BMPR1A: variants seen among roughly 807,000 people sequenced by gnomAD.
BMPR1A encodes bone morphogenetic protein receptor type 1A, also known as bone morphogenetic protein receptor type-1A.
BMPR1A carries 7 observed loss-of-function variants against 66.0 expected under a neutral mutation model. That is an observed-to-expected ratio of 0.11 (90% confidence interval 0.06 to 0.20). The LOEUF (loss-of-function observed/expected upper bound fraction) is 0.20, where lower values mean the gene tolerates loss of function less well. Among genes scored for constraint, BMPR1A ranks in the 10% least tolerant of loss-of-function variants. The probability of loss-of-function intolerance (pLI) is 1.00; values close to 1 mark genes in which losing one functional copy is unlikely to be tolerated. For synonymous variants in BMPR1A, 200 were observed against 229.7 expected (o/e 0.87, Z 1.17); for missense variants, 408 against 669.1 (o/e 0.61, Z 4.31).
chr10:86,859,894 A>G (rs1321621012), intron 2 of BMPR1A, among the ~76,000 whole-genome samples: 1 of 152,224 alleles, frequency 6.6e-6, no homozygotes, highest in Non-Finnish European at 1.5e-5. Flanking sequence ...CCTTAGACCT[A>G]GAATCCCACT....
At chr10:86,806,437 T>C (rs1331968676) in intron 1 of BMPR1A, among the ~76,000 whole-genome samples, 1 of 152,218 alleles carries the variant, frequency 6.6e-6, no homozygotes, top group African/African-American at 2.4e-5. Flanking sequence ...AGTTCTACAT[T>C]TATCATTCTG....
chr10:86,800,449 C>T (rs1841795872), intron 1 of BMPR1A, among the ~76,000 whole-genome samples: 1 of 152,180 alleles, frequency 6.6e-6, no homozygotes, highest in African/African-American at 2.4e-5. Context: ...GGCTGGAGTG[C>T]AATGTGAAAT....
At chr10:86,892,324 G>T (rs768406007) in intron 5 of BMPR1A, 95 bp downstream of exon 5, 27 of 929,476 alleles carry the variant, frequency 2.9e-5, no homozygotes, top group Non-Finnish European at 4.0e-5. Context: ...TGTACACATC[G>T]CTGTATGTTC....
chr10:86,809,665 G>C (rs895798312), intron 1 of BMPR1A, among the ~76,000 whole-genome samples: 1 of 142,066 alleles, frequency 7.0e-6, no homozygotes, highest in Non-Finnish European at 1.5e-5. Flanking sequence ...CTAGGCCTCA[G>C]CTCCTGGCCT....
intron 2 of BMPR1A, among the ~76,000 whole-genome samples, chr10:86,865,334 T>TCCACCACAA: frequency 1.3e-5 from 2 of 152,122 alleles, no homozygotes; most frequent in African/African-American, 4.8e-5. Flanking sequence ...GTGATGACAT[T>TCCACCACAA]ACCTTGTGAA....
intron 1 of BMPR1A, among the ~76,000 whole-genome samples, chr10:86,824,373 C>T (rs1184830739): frequency 6.6e-6 from 1 of 152,016 alleles, no homozygotes; most frequent in African/African-American, 2.4e-5. Context: ...GCATCCAGGC[C>T]CCTCCCTTAG....
At position 86,839,197 on chromosome 10, in the gene BMPR1A, T is replaced by G. The variant is rs118171666; in HGVS notation, c.-153+218T>G. Among the ~76,000 whole-genome samples the G allele has an allele frequency of 7.6e-3, 1,160 of 152,266 alleles. 7 individuals carry two copies. The highest frequency in any genetic ancestry group is 0.013 in the Admixed American group (195 of 15,286). On this transcript the variant is annotated intron_variant, in intron 2 of 12. Coordinates refer to ENST00000372037, the MANE Select transcript of BMPR1A (RefSeq NM_004329.3). ...CATAAATGTTGAACCTCTTCAGGAG[T>G]GAAAGGTATTTATTTCTTACTAATC...
intron 1 of BMPR1A, among the ~76,000 whole-genome samples, chr10:86,801,298 A>G: frequency 6.6e-6 from 1 of 151,874 alleles, no homozygotes; most frequent in East Asian, 1.9e-4. Context: ...ACCATGCCCA[A>G]CTGATAGTTT....
rs1185380412 is a variant in BMPR1A, at chr10:86,924,595, AAAG to A, written c.*879_*881del. The A allele has an allele frequency of 4.3e-6, 1 of 233,370 alleles. No individual in the cohort carries two copies. The highest frequency in any genetic ancestry group is 6.0e-5 in the East Asian group (1 of 16,588). 14.5% of individuals were successfully genotyped at this position (233,370 alleles called of 1,614,324 possible). On this transcript the variant is annotated 3_prime_UTR_variant, in exon 13 of 13. Transcript: ENST00000372037. ...TTCTATTGCCATGAACCATGCTTACAAAGAAAGCACTTCTTATTGAAGTGAATT... is the reference window on the plus strand; with the variant it reads ...TTCTATTGCCATGAACCATGCTTACAAAAGCACTTCTTATTGAAGTGAATT...
intron 1 of BMPR1A, among the ~76,000 whole-genome samples, chr10:86,763,297 C>G (rs867854021): frequency 2.0e-5 from 3 of 152,076 alleles, no homozygotes; most frequent in African/African-American, 7.2e-5. Flanking sequence ...CATAAAGAAG[C>G]AGCGGAATGA....
intron 3 of BMPR1A, among the ~76,000 whole-genome samples, chr10:86,876,550 G>A (rs1355907603): frequency 2.6e-5 from 4 of 152,274 alleles, no homozygotes; most frequent in Middle Eastern, 6.8e-3. Context: ...TTGGGAGGCC[G>A]AGGTGGGCGG....
At chr10:86,774,972 A>G (rs1378645692) in intron 1 of BMPR1A, among the ~76,000 whole-genome samples, 1 of 152,238 alleles carries the variant, frequency 6.6e-6, no homozygotes, top group African/African-American at 2.4e-5. Context: ...AACGGGTAAA[A>G]TACTTCCCGT....
intron 1 of BMPR1A, among the ~76,000 whole-genome samples, chr10:86,760,210 A>G (rs1306222136): frequency 2.3e-5 from 1 of 43,412 alleles, no homozygotes; most frequent in East Asian, 8.8e-4. Flanking sequence ...TTTTTTTTTT[A>G]ATACCTTATT....
intron 3 of BMPR1A, among the ~76,000 whole-genome samples, chr10:86,880,187 A>G (rs577226122): frequency 1.3e-5 from 2 of 152,290 alleles, no homozygotes; most frequent in South Asian, 4.1e-4. Flanking sequence ...GTGGTCCTAC[A>G]TTCTGTTTGC....
intron 2 of BMPR1A, among the ~76,000 whole-genome samples, chr10:86,847,935 CTTT>C (rs757764095): frequency 7.0e-6 from 1 of 142,784 alleles, no homozygotes; most frequent in Non-Finnish European, 1.5e-5. Flanking sequence ...GAAAATGATA[CTTT>C]TTTTTTTTTT....
intron 1 of BMPR1A, among the ~76,000 whole-genome samples, chr10:86,768,224 A>T (rs1350268862): frequency 4.6e-5 from 7 of 152,208 alleles, no homozygotes; most frequent in African/African-American, 1.2e-4. Flanking sequence ...AGGGCAAGGG[A>T]TAATAATAAA....
intron 1 of BMPR1A, among the ~76,000 whole-genome samples, chr10:86,798,120 T>C (rs1841751087): frequency 6.6e-6 from 1 of 152,172 alleles, no homozygotes; most frequent in Non-Finnish European, 1.5e-5. Context: ...TTTTGTATCA[T>C]TCTTATATAA....
intron 1 of BMPR1A, among the ~76,000 whole-genome samples, chr10:86,794,130 TAACATATTCA>T (rs1383395219): frequency 8.5e-5 from 13 of 152,344 alleles, no homozygotes; most frequent in Admixed American, 7.8e-4. Context: ...GCCATTTAAA[TAACATATTCA>T]TAGGTTACAG....
chr10:86,818,879 C>G (rs1178543087), intron 1 of BMPR1A, among the ~76,000 whole-genome samples: 1 of 152,106 alleles, frequency 6.6e-6, no homozygotes, highest in Non-Finnish European at 1.5e-5. Context: ...TCCAAGAAGG[C>G]AAGATTTTTT....
Sources: gnomAD v4.1 joint callset for allele counts (sites outside exome capture counted in the v4.1 genomes callset) on GRCh38, gnomAD v4.1.1 for gene constraint, MANE v1.5 for transcripts, NCBI Gene and HGNC (gene_info 2026-07-23, HGNC 2026-07-21) for gene names.